AKIRIN1: variants seen among roughly 807,000 people sequenced by gnomAD.
AKIRIN1 encodes akirin-1.
AKIRIN1 carries 4 observed loss-of-function variants against 25.9 expected under a neutral mutation model. That is an observed-to-expected ratio of 0.15 (90% CI 0.08 to 0.35). The LOEUF (loss-of-function observed/expected upper bound fraction) is 0.35. Among genes scored for constraint, AKIRIN1 ranks in the 10% least tolerant of loss-of-function variants. AKIRIN1 has a pLI of 1.00. For synonymous variants in AKIRIN1, 125 were observed against 105.1 expected (o/e 1.19, Z -1.16); for missense variants, 243 against 266.1 (o/e 0.91, Z 0.61).
At chr1:38,998,001 G>C (rs1352385243) in intron 1 of AKIRIN1, among the ~76,000 whole-genome samples, 170 bp from the exon 2 acceptor site, 1 of 152,092 alleles carries the variant, frequency 6.6e-6, no homozygotes, top group Non-Finnish European at 1.5e-5. Flanking sequence ...TGCTTGGTAC[G>C]GTATAAACGT....
At chr1:39,002,300 C>T (rs1009999524) in intron 3 of AKIRIN1, among the ~76,000 whole-genome samples, 3 of 152,266 alleles carry the variant, frequency 2.0e-5, no homozygotes, top group Middle Eastern at 3.4e-3. Context: ...ACTATTGTTT[C>T]CTAGTCTGGT....
At chr1:38,994,070 CAAA>C (rs796908682) in intron 1 of AKIRIN1, among the ~76,000 whole-genome samples, 5 of 119,508 alleles carry the variant, frequency 4.2e-5, no homozygotes, top group African/African-American at 6.0e-5. Flanking sequence ...AACTCCATCT[CAAA>C]AAAAAAAAAA....
intron 2 of AKIRIN1, 60 bp downstream of exon 2, chr1:38,998,371 A>T (rs919047106): frequency 2.6e-6 from 4 of 1,515,806 alleles, no homozygotes; most frequent in African/African-American, 1.4e-5. Context: ...ACTTATAATG[A>T]TGAATCTAGA....
In AKIRIN1 at chr1:38,996,507, G is replaced by T. The variant is rs968453946; in HGVS notation, c.221-1664G>T. Among the ~76,000 whole-genome samples, 7 of 151,520 alleles carry T rather than the reference G, an allele frequency of 4.6e-5. No homozygotes were observed. In the South Asian group the frequency reaches 1.5e-3, roughly 32 times the overall value. On this transcript the variant is annotated intron_variant, in intron 1 of 4. Coordinates refer to ENST00000432648, the MANE Select transcript of AKIRIN1 (RefSeq NM_024595.3). ...CATGAGCCACAGTGCCTGGCCCATA[G>T]CACTCTTGTTTTTTTGTTTTGTTTT...
At chr1:39,003,451 A>G in intron 4 of AKIRIN1, 33 bp downstream of exon 4, 1 of 1,600,456 alleles carries the variant, frequency 6.2e-7, no homozygotes, top group Non-Finnish European at 8.5e-7. Flanking sequence ...TGAATTTTCT[A>G]AGTTTCAAGA....
intron 3 of AKIRIN1, among the ~76,000 whole-genome samples, chr1:39,001,556 G>A (rs1040323544): frequency 1.3e-4 from 20 of 151,926 alleles, no homozygotes; most frequent in African/African-American, 4.8e-4. Context: ...GTGAGCCACC[G>A]CGCCTGGCCA....
chr1:38,994,690 T>A (rs1009351533), intron 1 of AKIRIN1, among the ~76,000 whole-genome samples: 5 of 127,982 alleles, frequency 3.9e-5, no homozygotes, highest in South Asian at 3.0e-4. Context: ...TTTTTTTTTT[T>A]TTTTTTTTTT....
intron 1 of AKIRIN1, among the ~76,000 whole-genome samples, chr1:38,992,827 C>G (rs1643918325): frequency 6.7e-6 from 1 of 150,262 alleles, no homozygotes; most frequent in Non-Finnish European, 1.5e-5. Context: ...CTTCTATTTG[C>G]TAATCCCAAA....
chr1:38,995,570 T>G (rs939981616), intron 1 of AKIRIN1, among the ~76,000 whole-genome samples: 8 of 152,256 alleles, frequency 5.3e-5, no homozygotes, highest in Admixed American at 4.6e-4. Flanking sequence ...TTCTTAGTCC[T>G]ACCACCCTCA....
At chr1:38,998,034 G>C (rs1292007318) in intron 1 of AKIRIN1, 137 bp from the exon 2 acceptor site, 2 of 907,640 alleles carry the variant, frequency 2.2e-6, no homozygotes, top group Non-Finnish European at 3.2e-6. Flanking sequence ...TGTCGGGGGA[G>C]GGGGAGATTG....
chr1:38,995,355 G>A (rs1233222890), intron 1 of AKIRIN1, among the ~76,000 whole-genome samples: 1 of 152,218 alleles, frequency 6.6e-6, no homozygotes, highest in African/African-American at 2.4e-5. Flanking sequence ...ACACTGTAGA[G>A]TTTGGAGGAT....
In AKIRIN1 at chr1:39,004,995, T is replaced by TTG. The variant is rs1644023791; in HGVS notation, c.*942_*943dup. On this transcript the variant is annotated 3_prime_UTR_variant, in exon 5 of 5. Coordinates refer to ENST00000432648, the MANE Select transcript of AKIRIN1 (RefSeq NM_024595.3). ...CTACTTGGGAGGAGCCACTTCACCTTTGTATTAGTTATTAAAAAATATAAT... is the reference window on the plus strand; with the variant it reads ...CTACTTGGGAGGAGCCACTTCACCTTTGTGTATTAGTTATTAAAAAATATAAT... 1 of 152,228 alleles carries TTG rather than the reference T, an allele frequency of 6.6e-6. No homozygotes were observed. Among genetic ancestry groups the TTG allele is most frequent in the Admixed American group, 6.5e-5 (1 of 15,268 alleles). The allele number at this position is 152,228 out of a possible 1,614,324, so 9.4% of individuals were successfully genotyped here.
rs766680644 is a variant in AKIRIN1 at position 38,991,538 on chromosome 1, C to T, written c.158C>T (p.Thr53Ile). 22 of 1,458,990 alleles carry T rather than the reference C, an allele frequency of 1.5e-5. No homozygotes were observed. Among genetic ancestry groups the T allele is most frequent in the Middle Eastern group, 4.8e-4 (2 of 4,170 alleles). 90.4% of individuals were successfully genotyped at this position (1,458,990 alleles called of 1,614,324 possible). Residue 53 changes from threonine to isoleucine, a missense_variant, in exon 1 of 5, where the codon ACC becomes ATC. Physicochemically the swap from Thr to Ile is moderately conservative, Grantham distance 89. Transcript: ENST00000432648. ...AEPPPPFQTQ[T>I]PPQSLQQPAP... is the part of the protein sequence containing the mutation. Reference sequence around the variant, plus strand: ...CCGCCGCCGCCGTTTCAGACGCAGACCCCACCGCAGAGTCTGCAGCAGCCC... The same window carrying T: ...CCGCCGCCGCCGTTTCAGACGCAGATCCCACCGCAGAGTCTGCAGCAGCCC...
chr1:39,002,119 CTCA>C (rs1643997130), intron 3 of AKIRIN1, among the ~76,000 whole-genome samples: 1 of 152,214 alleles, frequency 6.6e-6, no homozygotes, highest in South Asian at 2.1e-4. Context: ...AAGCACAAAT[CTCA>C]TCATACTCCT....
Sources: gnomAD v4.1 joint callset for allele counts (sites outside exome capture counted in the v4.1 genomes callset) on GRCh38, gnomAD v4.1.1 for gene constraint, MANE v1.5 for transcripts, NCBI Gene and HGNC (gene_info 2026-07-23, HGNC 2026-07-21) for gene names.